The following PIBF1 variants were observed in gnomAD, a reference collection of about 807,000 sequenced individuals.
The protein encoded by PIBF1 is progesterone-induced-blocking factor 1.
A neutral mutation model predicts 112.5 loss-of-function variants in PIBF1; 90 were observed. That is an observed-to-expected ratio of 0.80 (90% CI 0.67 to 0.95). PIBF1 has a LOEUF of 0.95. Ranked by LOEUF, PIBF1 falls within the 40% of genes least tolerant of loss-of-function variation. The pLI is 0.00. For missense variants in PIBF1, 915 were observed against 852.3 expected (o/e 1.07, Z -0.92); for synonymous variants, 301 against 288.6 (o/e 1.04, Z -0.44).
intron 5 of PIBF1, among the ~76,000 whole-genome samples, chr13:72,808,470 G>A (rs1166043454): frequency 1.3e-5 from 2 of 151,804 alleles, no homozygotes; most frequent in East Asian, 1.9e-4. Context: ...TGAGTATTAT[G>A]TTGTTGAGAC....
Position 72,783,681 on chromosome 13 carries a change from C to G in PIBF1, c.212C>G (p.Thr71Ser), listed in dbSNP as rs116564048. The G allele has an allele frequency of 2.5e-6, 4 of 1,613,936 alleles. No individual in the cohort carries two copies. In the East Asian group the frequency reaches 8.9e-5, roughly 36 times the overall value. Residue 71 changes from threonine to serine, a missense_variant, in exon 2 of 18, where the codon ACT becomes AGT. Physicochemically the swap from Thr to Ser is moderately conservative, Grantham distance 58. Coordinates refer to ENST00000326291, the MANE Select transcript of PIBF1 (RefSeq NM_006346.4). ...CTAAAAATTGAGCTATCCCAGAAAA[C>G]TATGATGATCGACAATTTGAAAGTG... Reference protein sequence around the residue: ...QLLKIELSQKTMMIDNLKVDY... With the variant: ...QLLKIELSQKSMMIDNLKVDY...
At chr13:72,871,405 G>A (rs572425471) in intron 10 of PIBF1, among the ~76,000 whole-genome samples, 3 of 151,864 alleles carry the variant, frequency 2.0e-5, no homozygotes, top group East Asian at 1.9e-4. Flanking sequence ...TCCCGGGTTC[G>A]AGCAATTCTC....
At position 72,854,028 on chromosome 13, in the gene PIBF1, A is replaced by G. The variant is rs369952752; in HGVS notation, c.1224-29A>G. The G allele has an allele frequency of 4.5e-5, 64 of 1,416,404 alleles. No individual in the cohort carries two copies. In the African/African-American group the frequency reaches 8.7e-4, roughly 19 times the overall value. The allele number at this position is 1,416,404 out of a possible 1,614,324, so 87.7% of individuals were successfully genotyped here. On this transcript the variant is annotated intron_variant, in intron 9 of 17. Coordinates refer to ENST00000326291, the MANE Select transcript of PIBF1 (RefSeq NM_006346.4). The stretch of plus-strand genomic sequence containing the variant: ...GAACATAGATAAATCACGCATTTGA[A>G]ATAACTGAAATCCATGTTTAAAATT...
At chr13:72,858,267 G>T (rs2038534777) in intron 10 of PIBF1, among the ~76,000 whole-genome samples, 1 of 152,132 alleles carries the variant, frequency 6.6e-6, no homozygotes, top group Non-Finnish European at 1.5e-5. Flanking sequence ...GCCCAGTCTG[G>T]TCTCGAATTC....
intron 8 of PIBF1, among the ~76,000 whole-genome samples, chr13:72,828,482 T>C (rs915789017): frequency 6.6e-5 from 10 of 152,130 alleles, no homozygotes; most frequent in African/African-American, 1.9e-4. Context: ...TGTGTCCACG[T>C]GTTCTCATTG....
intron 10 of PIBF1, among the ~76,000 whole-genome samples, chr13:72,861,537 T>C (rs762505848): frequency 6.6e-6 from 1 of 152,146 alleles, no homozygotes; most frequent in Non-Finnish European, 1.5e-5. Context: ...AAATCAGCTG[T>C]CCTAAATTTC....
chr13:72,881,490 G>A (rs2039632345), intron 10 of PIBF1, among the ~76,000 whole-genome samples: 1 of 152,134 alleles, frequency 6.6e-6, no homozygotes, highest in Admixed American at 6.5e-5. Flanking sequence ...GGCCAAGGCG[G>A]GTGGATCACG....
intron 13 of PIBF1, among the ~76,000 whole-genome samples, chr13:72,927,958 TACAC>T (rs1375603165): frequency 0.2 from 14,341 of 72,552 alleles, 1,256 homozygotes; most frequent in Non-Finnish European, 0.26. Context: ...TATATATATA[TACAC>T]ATATATATAT....
At chr13:73,008,552 A>T (rs1489511150) in intron 17 of PIBF1, among the ~76,000 whole-genome samples, 2 of 152,216 alleles carry the variant, frequency 1.3e-5, no homozygotes, top group African/African-American at 4.8e-5. Flanking sequence ...CTTTGTGCCA[A>T]GTACTATTCC....
chr13:72,855,240 A>G (rs2038363397), intron 10 of PIBF1, among the ~76,000 whole-genome samples: 1 of 152,190 alleles, frequency 6.6e-6, no homozygotes, highest in Non-Finnish European at 1.5e-5. Flanking sequence ...TAATTAACCT[A>G]TTGTAAAAAT....
intron 2 of PIBF1, among the ~76,000 whole-genome samples, chr13:72,791,858 TC>T (rs2138390178): frequency 6.6e-6 from 1 of 152,000 alleles, no homozygotes; most frequent in Non-Finnish European, 1.5e-5. Flanking sequence ...TATCTTGAAC[TC>T]CCGACCTCAA....
chr13:72,953,110 C>T (rs2042347416), intron 14 of PIBF1, among the ~76,000 whole-genome samples: 1 of 152,084 alleles, frequency 6.6e-6, no homozygotes, highest in Non-Finnish European at 1.5e-5. Flanking sequence ...GCCACCACAG[C>T]TCTCCTTCCA....
chr13:72,848,614 G>A, intron 9 of PIBF1, among the ~76,000 whole-genome samples: 1 of 152,178 alleles, frequency 6.6e-6, no homozygotes, highest in East Asian at 1.9e-4. Context: ...GGGAGGCCGA[G>A]GCGGGCGGAT....
chr13:72,948,737 A>G (rs556131743), intron 14 of PIBF1, among the ~76,000 whole-genome samples: 13 of 152,334 alleles, frequency 8.5e-5, no homozygotes, highest in African/African-American at 3.1e-4. Flanking sequence ...GAAACTTACA[A>G]TCATGGTGGA....
At chr13:72,803,009 G>A (rs957127214) in intron 5 of PIBF1, among the ~76,000 whole-genome samples, 1 of 152,178 alleles carries the variant, frequency 6.6e-6, no homozygotes, top group African/African-American at 2.4e-5. Context: ...ACAGTTAGAT[G>A]AAGACTAAGA....
chr13:72,965,481 G>T, intron 15 of PIBF1, 77 bp downstream of exon 15: 4 of 1,187,392 alleles, frequency 3.4e-6, no homozygotes, highest in South Asian at 1.4e-5. Flanking sequence ...AATTTGGGTT[G>T]TAAATCATGA....
At chr13:73,010,588 A>G (rs918677520) in intron 17 of PIBF1, among the ~76,000 whole-genome samples, 48 of 151,812 alleles carry the variant, frequency 3.2e-4, no homozygotes, top group Admixed American at 2.0e-4. Context: ...GGGCAACGGA[A>G]TGAGACTTCA....
At chr13:72,890,281 T>G (rs1336480262) in intron 10 of PIBF1, among the ~76,000 whole-genome samples, 1 of 152,182 alleles carries the variant, frequency 6.6e-6, no homozygotes, top group African/African-American at 2.4e-5. Context: ...GTCCTGCTAC[T>G]GGGAGTTTAA....
At chr13:72,906,598 A>G (rs909202026) in intron 11 of PIBF1, among the ~76,000 whole-genome samples, 5 of 152,144 alleles carry the variant, frequency 3.3e-5, no homozygotes, top group Non-Finnish European at 5.9e-5. Flanking sequence ...AAAATTCTCT[A>G]ATATGGGGTA....
Sources: allele counts gnomAD v4.1 joint callset (sites outside exome capture counted in the v4.1 genomes callset), GRCh38; gene constraint gnomAD v4.1.1; transcripts MANE v1.5; gene names NCBI Gene and HGNC (gene_info 2026-07-23, HGNC 2026-07-21).